GRIN3A: variants seen among roughly 807,000 people sequenced by gnomAD.
GRIN3A encodes the protein glutamate ionotropic receptor NMDA type subunit 3A, also known as glutamate receptor ionotropic, NMDA 3A.
In GRIN3A, 47 loss-of-function variants were observed where a neutral mutation model predicts 92.4. The ratio of observed to expected loss-of-function variants is 0.51; its 90% CI spans 0.40 to 0.65. The LOEUF (loss-of-function observed/expected upper bound fraction) is 0.65, where lower values mean the gene tolerates loss of function less well. GRIN3A is among the 30% of genes least tolerant of loss of function. GRIN3A has a pLI of 0.00. For missense variants in GRIN3A, 1,324 were observed against 1,393.1 expected (o/e 0.95, Z 0.79); for synonymous variants, 527 against 540.6 (o/e 0.97, Z 0.35).
At chr9:101,582,776 T>A (rs1245411559) in intron 6 of GRIN3A, among the ~76,000 whole-genome samples, 1 of 152,182 alleles carries the variant, frequency 6.6e-6, no homozygotes, top group African/African-American at 2.4e-5. Context: ...CCTGCTTTTT[T>A]ATAAGACACT....
intron 6 of GRIN3A, among the ~76,000 whole-genome samples, chr9:101,582,250 G>T (rs1465490434): frequency 6.6e-6 from 1 of 152,146 alleles, no homozygotes; most frequent in Non-Finnish European, 1.5e-5. Context: ...AGAAGAAAAG[G>T]TCGGAGATTT....
intron 1 of GRIN3A, among the ~76,000 whole-genome samples, chr9:101,735,603 T>A (rs931567415): frequency 1.3e-5 from 2 of 151,660 alleles, no homozygotes; most frequent in Non-Finnish European, 2.9e-5. Flanking sequence ...TGAAAAGGAG[T>A]CTGGAGACTG....
At chr9:101,720,469 C>G (rs958633717) in intron 1 of GRIN3A, among the ~76,000 whole-genome samples, 17 of 152,120 alleles carry the variant, frequency 1.1e-4, no homozygotes, top group Non-Finnish European at 2.5e-4. Context: ...TGGTTCTCCT[C>G]CCGACTCCAT....
chr9:101,641,792 T>TAA (rs10631033), intron 3 of GRIN3A, among the ~76,000 whole-genome samples: 11,398 of 141,898 alleles, frequency 0.08, 599 homozygotes, highest in East Asian at 0.23. Context: ...ACAATAAAAT[T>TAA]AAAAAAAAAA....
intron 5 of GRIN3A, among the ~76,000 whole-genome samples, chr9:101,614,969 G>C (rs1252005906): frequency 6.6e-6 from 1 of 151,894 alleles, no homozygotes; most frequent in Non-Finnish European, 1.5e-5. Context: ...TAAATGAAAG[G>C]GTGGTGGTAA....
intron 6 of GRIN3A, among the ~76,000 whole-genome samples, chr9:101,605,498 T>G (rs917283684): frequency 6.6e-6 from 1 of 152,212 alleles, no homozygotes; most frequent in African/African-American, 2.4e-5. Context: ...TAAACTTCCA[T>G]TTTTGAAACT....
chr9:101,700,461 A>G (rs1389296912), intron 1 of GRIN3A, among the ~76,000 whole-genome samples: 1 of 152,226 alleles, frequency 6.6e-6, no homozygotes, highest in Non-Finnish European at 1.5e-5. Flanking sequence ...GAAAGAATTC[A>G]CAAAATTGCT....
At chr9:101,616,387 T>A (rs1828454153) in intron 5 of GRIN3A, among the ~76,000 whole-genome samples, 1 of 152,180 alleles carries the variant, frequency 6.6e-6, no homozygotes. Flanking sequence ...ATCCAAACTC[T>A]TTTGTTTTCA....
chr9:101,663,999 C>T (rs912171267), intron 3 of GRIN3A, among the ~76,000 whole-genome samples: 3 of 151,846 alleles, frequency 2.0e-5, no homozygotes, highest in Non-Finnish European at 2.9e-5. Flanking sequence ...GCCAGTTCAA[C>T]TCCATAAGGG....
intron 1 of GRIN3A, among the ~76,000 whole-genome samples, chr9:101,714,087 A>T (rs369794394): frequency 2.0e-5 from 3 of 152,192 alleles, no homozygotes; most frequent in African/African-American, 7.2e-5. Flanking sequence ...AATGGTATAG[A>T]AAAAGGCAAA....
intron 6 of GRIN3A, among the ~76,000 whole-genome samples, chr9:101,585,222 T>G (rs892547611): frequency 6.6e-6 from 1 of 152,232 alleles, no homozygotes; most frequent in African/African-American, 2.4e-5. Context: ...TTACTCCATC[T>G]TCTTTGGTAT....
chr9:101,607,558 G>GGA lies in GRIN3A; in HGVS notation c.2766+5816_2766+5817dup, dbSNP rs140197223. 4.5e-3 allele frequency among the ~76,000 whole-genome samples: 682 copies of GGA among 152,302 alleles called. 12 individuals carry two copies. Among genetic ancestry groups the GGA allele is most frequent in the South Asian group, 0.011 (51 of 4,828 alleles). On this transcript the variant is annotated intron_variant, in intron 6 of 8. Coordinates refer to ENST00000361820, the MANE Select transcript of GRIN3A (RefSeq NM_133445.3). ...GCCTTGCACTCCACCCCGTGAGCAG[G>GGA]GAGAAGGAGGAGGGCCGTGTGTATG... is the stretch of plus-strand genomic sequence containing the variant.
At chr9:101,710,493 A>G (rs1373115726) in intron 1 of GRIN3A, among the ~76,000 whole-genome samples, 1 of 152,202 alleles carries the variant, frequency 6.6e-6, no homozygotes, top group Non-Finnish European at 1.5e-5. Context: ...GTAAGAATTT[A>G]GTGTTTGGAT....
chr9:101,587,133 A>G (rs1564119382), intron 6 of GRIN3A, among the ~76,000 whole-genome samples: 1 of 152,090 alleles, frequency 6.6e-6, no homozygotes, highest in Non-Finnish European at 1.5e-5. Context: ...AACATGGTGA[A>G]ACCCTGTCTC....
At chr9:101,578,039 A>G (rs924922855) in intron 7 of GRIN3A, among the ~76,000 whole-genome samples, 195 bp from the exon 8 acceptor site, 1 of 152,220 alleles carries the variant, frequency 6.6e-6, no homozygotes, top group Admixed American at 6.5e-5. Flanking sequence ...ATTAGAGGTT[A>G]TTATTCCACC....
At chr9:101,650,182 A>T (rs1828996277) in intron 3 of GRIN3A, among the ~76,000 whole-genome samples, 1 of 152,000 alleles carries the variant, frequency 6.6e-6, no homozygotes, top group South Asian at 2.1e-4. Context: ...TTTGTTCTTC[A>T]TCTGTAGAAA....
intron 3 of GRIN3A, among the ~76,000 whole-genome samples, chr9:101,651,937 A>G (rs1248734637): frequency 4.6e-5 from 7 of 151,954 alleles, no homozygotes; most frequent in Admixed American, 4.6e-4. Flanking sequence ...AAAAATCACT[A>G]GAGTGGATTC....
intron 4 of GRIN3A, among the ~76,000 whole-genome samples, chr9:101,623,858 C>G (rs1360476197): frequency 2.0e-5 from 3 of 152,164 alleles, no homozygotes; most frequent in Admixed American, 1.3e-4. Context: ...AATTGAGGCT[C>G]AGAGGATTGA....
At chr9:101,635,834 C>T (rs970736455) in intron 3 of GRIN3A, among the ~76,000 whole-genome samples, 7 of 152,160 alleles carry the variant, frequency 4.6e-5, no homozygotes, top group South Asian at 2.1e-4. Flanking sequence ...GAGCAGACCC[C>T]GTAAGGCTGA....
Sources: allele counts gnomAD v4.1 joint callset (sites outside exome capture counted in the v4.1 genomes callset), GRCh38; gene constraint gnomAD v4.1.1; transcripts MANE v1.5; gene names NCBI Gene and HGNC (gene_info 2026-07-23, HGNC 2026-07-21).